The following FUT8 variants were observed in gnomAD, a reference collection of about 807,000 sequenced individuals.
The protein encoded by FUT8 is alpha-(1,6)-fucosyltransferase.
In FUT8, 29 loss-of-function variants were observed where a neutral mutation model predicts 71.3. The observed-to-expected ratio is 0.41, with a 90% CI of 0.30 to 0.55. FUT8 has a LOEUF of 0.55. Ranked by LOEUF, FUT8 falls within the 20% of genes least tolerant of loss-of-function variation. The pLI is 0.34. For missense variants in FUT8, 544 were observed against 702.1 expected (o/e 0.77, Z 2.55); for synonymous variants, 254 against 239.3 (o/e 1.06, Z -0.57).
At chr14:65,390,630 A>C in the FUT8 span, among the ~76,000 whole-genome samples, 1 of 151,996 alleles carries the variant, frequency 6.6e-6, no homozygotes, top group Non-Finnish European at 1.5e-5. Flanking sequence ...TCTAGACTAG[A>C]TGATGTATTT....
At chr14:65,632,240 C>T (rs553847676) in intron 6 of FUT8, among the ~76,000 whole-genome samples, 131 of 152,114 alleles carry the variant, frequency 8.6e-4, no homozygotes, top group African/African-American at 3.0e-3. Context: ...GGGTAGATAC[C>T]CAGTAGTGGG....
At chr14:65,673,938 A>C (rs1892594559) in intron 7 of FUT8, among the ~76,000 whole-genome samples, 1 of 152,192 alleles carries the variant, frequency 6.6e-6, no homozygotes. Flanking sequence ...AACACAAATG[A>C]AATTATACTT....
intron 9 of FUT8, among the ~76,000 whole-genome samples, chr14:65,731,799 G>A (rs1895995826): frequency 6.6e-6 from 1 of 152,102 alleles, no homozygotes; most frequent in Non-Finnish European, 1.5e-5. Context: ...CCAGCCTTAG[G>A]TACCCTTTTG....
In FUT8 at chr14:65,652,416, C is replaced by T. The variant is rs1891453738; in HGVS notation, c.598-16827C>T. 6.6e-6 allele frequency among the ~76,000 whole-genome samples: 1 copy of T among 152,136 alleles called. No individual in the cohort carries two copies. Among genetic ancestry groups the T allele is most frequent in the Non-Finnish European group, 1.5e-5 (1 of 68,026 alleles). On this transcript the variant is annotated intron_variant, in intron 6 of 10. Transcript: ENST00000673929. The surrounding 1 kb of genome is among the most constrained non-coding windows in gnomAD (Gnocchi z 4.0). ...AAATGGAGAGCACATAAGAAAAAAA[C>T]TTTTAGTGTACTTCTTCTTCTGGCC...
chr14:65,431,505 G>A (rs968036401), intron 1 of FUT8, among the ~76,000 whole-genome samples: 2 of 151,636 alleles, frequency 1.3e-5, no homozygotes, highest in African/African-American at 4.9e-5. Context: ...TAGAGGCTGG[G>A]TTTTGCCACA....
At chr14:65,540,299 A>G (rs1288210728) in intron 2 of FUT8, among the ~76,000 whole-genome samples, 1 of 152,212 alleles carries the variant, frequency 6.6e-6, no homozygotes, top group Non-Finnish European at 1.5e-5. Context: ...TGACTAGAAG[A>G]AAAGACTATT....
intron 3 of FUT8, among the ~76,000 whole-genome samples, chr14:65,562,299 T>C (rs1885957238): frequency 6.6e-6 from 1 of 152,172 alleles, no homozygotes; most frequent in Non-Finnish European, 1.5e-5. Context: ...AAATTTTATA[T>C]GAACTGTAAC....
the FUT8 span, among the ~76,000 whole-genome samples, chr14:65,381,525 C>T: frequency 6.6e-6 from 1 of 152,178 alleles, no homozygotes; most frequent in Non-Finnish European, 1.5e-5. Context: ...AGTATGGTGC[C>T]TGGCACATGG....
At chr14:65,655,183 G>A (rs1891610865) in intron 6 of FUT8, among the ~76,000 whole-genome samples, 1 of 151,766 alleles carries the variant, frequency 6.6e-6, no homozygotes, top group South Asian at 2.1e-4. Context: ...AAGAAAGATA[G>A]AATGACTGGG....
chr14:65,685,372 T>G (rs1023769574), intron 7 of FUT8, among the ~76,000 whole-genome samples: 2 of 152,302 alleles, frequency 1.3e-5, no homozygotes, highest in Admixed American at 6.5e-5. Flanking sequence ...GAAATATAAT[T>G]GTAGATAGTT....
At chr14:65,624,487 A>G (rs1181727546) in intron 5 of FUT8, among the ~76,000 whole-genome samples, 7 of 152,238 alleles carry the variant, frequency 4.6e-5, no homozygotes, top group Non-Finnish European at 7.3e-5. Context: ...CTTGATTCCT[A>G]TGACAAGAAA....
intron 1 of FUT8, among the ~76,000 whole-genome samples, chr14:65,442,307 C>G (rs910494301): frequency 6.6e-6 from 1 of 151,738 alleles, no homozygotes; most frequent in African/African-American, 2.4e-5. Flanking sequence ...TCCTGAGTAG[C>G]TGGGATTACA....
At chr14:65,429,861 C>CAAA (rs58941594) in intron 1 of FUT8, among the ~76,000 whole-genome samples, 7 of 81,030 alleles carry the variant, frequency 8.6e-5, no homozygotes, top group Admixed American at 1.5e-4. Context: ...GAGACTGTCT[C>CAAA]AAAAAAAAAA....
At chr14:65,445,512 A>G (rs1289380713) in intron 1 of FUT8, among the ~76,000 whole-genome samples, 2 of 152,194 alleles carry the variant, frequency 1.3e-5, no homozygotes, top group African/African-American at 4.8e-5. Flanking sequence ...TTTTGGGGTG[A>G]TAGAACTGTT....
At chr14:65,582,041 A>T (rs1400286592) in intron 3 of FUT8, among the ~76,000 whole-genome samples, 2 of 152,166 alleles carry the variant, frequency 1.3e-5, no homozygotes, top group Non-Finnish European at 2.9e-5. Flanking sequence ...CATGGTGTTG[A>T]ATTTGCCTTT....
At chr14:65,537,417 T>G (rs2139942542) in intron 2 of FUT8, among the ~76,000 whole-genome samples, 1 of 152,208 alleles carries the variant, frequency 6.6e-6, no homozygotes, top group South Asian at 2.1e-4. Context: ...TGACGGAATC[T>G]TGCTCTGTTG....
At chr14:65,435,963 G>A (rs146488764) in intron 1 of FUT8, among the ~76,000 whole-genome samples, 68 of 135,754 alleles carry the variant, frequency 5.0e-4, no homozygotes, top group African/African-American at 1.7e-3. Flanking sequence ...GAGTCTTGCC[G>A]TGTTACCCAG....
rs2139348188 is a variant in FUT8, at chr14:65,413,191, A to C, written c.-349A>C. 6.5e-6 allele frequency: 1 copy of C among 152,978 alleles called. No individual in the cohort carries two copies. Among genetic ancestry groups the C allele is most frequent in the South Asian group, 2.1e-4 (1 of 4,838 alleles). The allele number at this position is 152,978 out of a possible 1,614,324, so 9.5% of individuals were successfully genotyped here. ...TGGCAGCTGCGACGGGGAGCGGCGG[A>C]GACCGCCTCTGCTCCCGCCTGGGGT... On this transcript the variant is annotated 5_prime_UTR_variant, in exon 1 of 11. Transcript: ENST00000673929. The surrounding 1 kb of genome is among the most constrained non-coding windows in gnomAD (Gnocchi z 4.1).
rs1348294698 is a variant in FUT8, at chr14:65,607,941, T to C, written c.204-8037T>C. On this transcript the variant is annotated intron_variant, in intron 3 of 10. Coordinates refer to ENST00000673929, the MANE Select transcript of FUT8 (RefSeq NM_001371533.1). This position sits in a 1 kb window ranked among gnomAD's most constrained non-coding sequence, Gnocchi z 4.1. ...TTAGCTGGGTGTGGCGGCGCATGCC[T>C]GTAATCCCAGCTACTTGGGAAGCTG... Among the ~76,000 whole-genome samples the C allele has an allele frequency of 6.6e-6, 1 of 151,576 alleles. No homozygotes were observed. Among genetic ancestry groups the C allele is most frequent in the Non-Finnish European group, 1.5e-5 (1 of 67,862 alleles).
Sources: gnomAD v4.1 joint callset for allele counts (sites outside exome capture counted in the v4.1 genomes callset) on GRCh38, gnomAD v4.1.1 for gene constraint, Gnocchi (gnomAD v3.1) non-coding constraint, MANE v1.5 for transcripts, NCBI Gene and HGNC (gene_info 2026-07-23, HGNC 2026-07-21) for gene names.